Variants in MED27 observed in about 807,000 individuals in gnomAD.
MED27 encodes mediator complex subunit 27.
A neutral mutation model predicts 38.2 loss-of-function variants in MED27; 30 were observed. That is an observed-to-expected ratio of 0.79 (90% CI 0.59 to 1.07). The LOEUF (loss-of-function observed/expected upper bound fraction) is 1.07, where lower values mean the gene tolerates loss of function less well. Ranked by LOEUF, MED27 falls within the 50% of genes least tolerant of loss-of-function variation. The pLI is 0.00. For missense variants in MED27, 289 were observed against 397.5 expected, an observed-to-expected ratio of 0.73 and a Z score of 2.32; for synonymous variants, 122 against 153.5, an observed-to-expected ratio of 0.79 and a Z score of 1.52.
chr9:131,920,992 G>A (rs1830380071), intron 4 of MED27, among the ~76,000 whole-genome samples: 1 of 152,190 alleles, frequency 6.6e-6, no homozygotes, highest in African/African-American at 2.4e-5. Context: ...TAATAATCTA[G>A]GTGTGAGGGA....
chr9:131,992,308 T>C (rs1037222728), intron 3 of MED27, among the ~76,000 whole-genome samples: 4 of 152,224 alleles, frequency 2.6e-5, no homozygotes, highest in Admixed American at 2.0e-4. Flanking sequence ...ATCTTTGAGA[T>C]GTGAACATGG....
intron 2 of MED27, among the ~76,000 whole-genome samples, chr9:132,021,947 C>A (rs1832725467): frequency 6.6e-6 from 1 of 152,188 alleles, no homozygotes; most frequent in African/African-American, 2.4e-5. Context: ...ACTTTCCAGC[C>A]TTCTGAACTG....
At chr9:131,933,410 T>A (rs538026915) in intron 4 of MED27, among the ~76,000 whole-genome samples, 4 of 152,246 alleles carry the variant, frequency 2.6e-5, no homozygotes, top group Admixed American at 2.6e-4. Context: ...TTCAGTAAAG[T>A]TGAAGGATAC....
chr9:132,042,747 T>C (rs1564337613), intron 2 of MED27, among the ~76,000 whole-genome samples: 1 of 152,222 alleles, frequency 6.6e-6, no homozygotes, highest in African/African-American at 2.4e-5. Flanking sequence ...ATGTGAGTTA[T>C]AAAAATTAGC....
chr9:131,916,109 A>G (rs559148380), intron 4 of MED27, among the ~76,000 whole-genome samples: 3 of 152,362 alleles, frequency 2.0e-5, no homozygotes, highest in East Asian at 3.8e-4. Flanking sequence ...TGTGCATGTC[A>G]TTTTTATTAA....
chr9:131,894,188 C>T (rs1424891891), intron 4 of MED27, among the ~76,000 whole-genome samples, 196 bp from the exon 5 acceptor site: 1 of 152,134 alleles, frequency 6.6e-6, no homozygotes, highest in Non-Finnish European at 1.5e-5. Flanking sequence ...ATGTTTTGGG[C>T]CTCAACTCGT....
rs2987405 is a variant in MED27, at chr9:131,862,715, C to T, written c.801+348G>A. On this transcript the variant is annotated intron_variant, in intron 7 of 7. Coordinates refer to ENST00000292035, the MANE Select transcript of MED27 (RefSeq NM_004269.4). This position sits in a 1 kb window ranked among gnomAD's most constrained non-coding sequence, Gnocchi z 4.6. ...GAAACGTCTTGGGAAACTGCACGAT[C>T]TGTTAATTCACTGCTACATGCTCTG... 0.11 allele frequency among the ~76,000 whole-genome samples: 16,362 copies of T among 152,224 alleles called. 1,627 individuals are homozygous for T. The highest frequency in any genetic ancestry group is 0.37 in the East Asian group (1,901 of 5,172).
intron 2 of MED27, among the ~76,000 whole-genome samples, chr9:132,035,111 G>A (rs1223961947): frequency 1.3e-5 from 2 of 152,108 alleles, no homozygotes; most frequent in African/African-American, 4.8e-5. Flanking sequence ...ATGCAATAAA[G>A]GGGAAGGTGT....
intron 4 of MED27, among the ~76,000 whole-genome samples, chr9:131,933,354 G>C (rs914627178): frequency 1.3e-5 from 2 of 152,058 alleles, no homozygotes; most frequent in African/African-American, 4.8e-5. Flanking sequence ...CTTATATTTG[G>C]AAAAACCTAG....
chr9:132,025,331 C>T (rs1488097297), intron 2 of MED27, among the ~76,000 whole-genome samples: 4 of 152,080 alleles, frequency 2.6e-5, no homozygotes, highest in Non-Finnish European at 4.4e-5. Flanking sequence ...TACAGGCATG[C>T]GCCACCACAC....
chr9:132,046,118 T>C lies in MED27; in HGVS notation c.348+31324A>G, dbSNP rs566031736. ...CACGTATAAATATGAACACTAAATT[T>C]AGCAAGTAGGCAATGGATCAGAACT... On this transcript the variant is annotated intron_variant, in intron 2 of 7. Coordinates refer to ENST00000292035, the MANE Select transcript of MED27 (RefSeq NM_004269.4). Among the ~76,000 whole-genome samples, 139 of 152,294 alleles carry C rather than the reference T, an allele frequency of 9.1e-4. 1 individual carries two copies. Among genetic ancestry groups the C allele is most frequent in the African/African-American group, 3.2e-3 (135 of 41,554 alleles).
intron 3 of MED27, among the ~76,000 whole-genome samples, chr9:131,943,990 G>A (rs1490424365): frequency 6.6e-6 from 1 of 152,066 alleles, no homozygotes; most frequent in Non-Finnish European, 1.5e-5. Flanking sequence ...CTTTGCCCTA[G>A]CTGCGGTAAG....
chr9:131,971,739 CATTT>C (rs1668888307), intron 3 of MED27, among the ~76,000 whole-genome samples: 2 of 152,146 alleles, frequency 1.3e-5, no homozygotes, highest in Non-Finnish European at 2.9e-5. Context: ...GGAAAACAGA[CATTT>C]ATTTTTGGAT....
intron 3 of MED27, among the ~76,000 whole-genome samples, chr9:131,998,244 C>T (rs1832139464): frequency 6.7e-6 from 1 of 149,284 alleles, no homozygotes; most frequent in African/African-American, 2.5e-5. Context: ...CACTCAAAAG[C>T]ATCATCTTAA....
At chr9:131,911,814 G>A (rs1830194187) in intron 4 of MED27, among the ~76,000 whole-genome samples, 1 of 152,190 alleles carries the variant, frequency 6.6e-6, no homozygotes, top group Non-Finnish European at 1.5e-5. Flanking sequence ...CAGGAATCTA[G>A]AAAAATGTCA....
chr9:131,864,379 A>G (rs770527773), intron 6 of MED27, among the ~76,000 whole-genome samples: 1 of 152,174 alleles, frequency 6.6e-6, no homozygotes, highest in Non-Finnish European at 1.5e-5. Context: ...GCTACTCAGG[A>G]GGCTGAGATG....
chr9:131,903,474 C>T (rs1255813982), intron 4 of MED27, among the ~76,000 whole-genome samples: 13 of 152,144 alleles, frequency 8.5e-5, no homozygotes, highest in African/African-American at 2.4e-4. Flanking sequence ...TTAGTCCCCT[C>T]GGCACAGGGA....
Position 131,997,636 on chromosome 9 carries a change from C to T in MED27, c.479+16701G>A, listed in dbSNP as rs894755090. Among the ~76,000 whole-genome samples, 13 of 152,222 alleles carry T rather than the reference C, an allele frequency of 8.5e-5. No homozygotes were observed. The highest frequency in any genetic ancestry group is 2.0e-4 in the Admixed American group (3 of 15,288). On this transcript the variant is annotated intron_variant, in intron 3 of 7. Transcript: ENST00000292035. The surrounding 1 kb of genome is among the most constrained non-coding windows in gnomAD (Gnocchi z 4.0). ...TATTGCAGCCCAATTCCAACTCAAC[C>T]TCTGCTTCCTGAGAACCTAATCCTC...
intron 2 of MED27, among the ~76,000 whole-genome samples, chr9:132,047,327 A>T (rs533300869): frequency 2.0e-5 from 3 of 152,230 alleles, no homozygotes; most frequent in Admixed American, 1.3e-4. Flanking sequence ...TACCAAATAC[A>T]GTTGGGGTCC....
Sources: gnomAD v4.1 joint callset for allele counts (sites outside exome capture counted in the v4.1 genomes callset) on GRCh38, gnomAD v4.1.1 for gene constraint, Gnocchi (gnomAD v3.1) non-coding constraint, MANE v1.5 for transcripts, NCBI Gene and HGNC (gene_info 2026-07-23, HGNC 2026-07-21) for gene names.